Variants in TTC29 observed in about 807,000 individuals in gnomAD.
TTC29 encodes the protein tetratricopeptide repeat domain 29.
Under a neutral mutation model 58.1 loss-of-function variants are expected in TTC29, and 49 were observed. The observed-to-expected ratio is 0.84, with a 90% CI of 0.67 to 1.07. TTC29 has a LOEUF of 1.07. Among genes scored for constraint, TTC29 ranks in the 50% least tolerant of loss-of-function variants. TTC29 has a pLI of 0.00. For synonymous variants in TTC29, 209 were observed against 196.8 expected, an observed-to-expected ratio of 1.06 and a Z score of -0.52; for missense variants, 582 against 555.6, an observed-to-expected ratio of 1.05 and a Z score of -0.48.
intron 10 of TTC29, 62 bp downstream of exon 10, chr4:146,820,063 A>C: frequency 1.3e-6 from 2 of 1,595,704 alleles, no homozygotes; most frequent in Non-Finnish European, 1.7e-6. Context: ...ATACTTTTAA[A>C]ATGGGAAATT....
At chr4:146,745,154 C>T (rs1297178841) in intron 11 of TTC29, among the ~76,000 whole-genome samples, 1 of 152,144 alleles carries the variant, frequency 6.6e-6, no homozygotes, top group Non-Finnish European at 1.5e-5. Context: ...AAGACAGTGG[C>T]AGATTTGAGA....
chr4:146,735,533 T>C (rs998398708), intron 11 of TTC29, among the ~76,000 whole-genome samples: 1 of 152,210 alleles, frequency 6.6e-6, no homozygotes, highest in African/African-American at 2.4e-5. Flanking sequence ...GCCAGCCTGG[T>C]AGCTTGGATA....
At chr4:146,797,933 C>A (rs988726027) in intron 11 of TTC29, among the ~76,000 whole-genome samples, 3 of 149,522 alleles carry the variant, frequency 2.0e-5, no homozygotes, top group Non-Finnish European at 3.0e-5. Flanking sequence ...TGAAGTTGAC[C>A]CACAGTTCTC....
intron 2 of TTC29, among the ~76,000 whole-genome samples, chr4:146,944,783 GAAGA>G (rs1309401042): frequency 1.3e-5 from 2 of 150,382 alleles, no homozygotes; most frequent in Non-Finnish European, 2.9e-5. Context: ...GAAAACTACA[GAAGA>G]AATATCACTA....
At chr4:146,882,144 G>T in intron 6 of TTC29, among the ~76,000 whole-genome samples, 1 of 152,002 alleles carries the variant, frequency 6.6e-6, no homozygotes. Context: ...CAGAAAATTT[G>T]CCTAGATCTC....
chr4:146,803,200 G>A (rs12498986), intron 11 of TTC29, among the ~76,000 whole-genome samples: 9,488 of 150,992 alleles, frequency 0.063, 397 homozygotes, highest in Admixed American at 0.13. Flanking sequence ...AAGATAACTG[G>A]TGAAAAAAAA....
At chr4:146,942,503 G>A (rs1736499068) in intron 2 of TTC29, 3 of 767,312 alleles carry the variant, frequency 3.9e-6, no homozygotes, top group Non-Finnish European at 6.1e-6. Context: ...GCATCATACA[G>A]AGCATATGGT....
At chr4:146,745,752 T>A (rs917959601) in intron 11 of TTC29, among the ~76,000 whole-genome samples, 3 of 152,240 alleles carry the variant, frequency 2.0e-5, no homozygotes, top group African/African-American at 7.2e-5. Flanking sequence ...AATAGCATAG[T>A]CAATTGTCAA....
intron 11 of TTC29, among the ~76,000 whole-genome samples, chr4:146,766,291 A>G (rs569638158): frequency 6.6e-6 from 1 of 152,206 alleles, no homozygotes; most frequent in East Asian, 1.9e-4. Flanking sequence ...ACAGGAGATC[A>G]TTATGTGTAA....
At chr4:146,742,579 T>TCCTTCCTTCCCTCCCTTCCTTCCCTC (rs200263068) in intron 11 of TTC29, among the ~76,000 whole-genome samples, 1 of 133,198 alleles carries the variant, frequency 7.5e-6, no homozygotes, top group Non-Finnish European at 1.6e-5. Flanking sequence ...CTCACCCACT[T>TCCTTCCTTCCCTCCCTTCCTTCCCTC]CCTTCCTTCC....
intron 10 of TTC29, among the ~76,000 whole-genome samples, chr4:146,804,782 C>A (rs539992785): frequency 6.6e-6 from 1 of 151,522 alleles, no homozygotes; most frequent in Admixed American, 6.6e-5. Context: ...CACAGCACCT[C>A]GGGGAAGGGA....
intron 11 of TTC29, among the ~76,000 whole-genome samples, chr4:146,798,333 G>C (rs930722442): frequency 6.6e-6 from 1 of 152,074 alleles, no homozygotes; most frequent in Non-Finnish European, 1.5e-5. Flanking sequence ...GGATACAGGA[G>C]GATGAATTAA....
intron 11 of TTC29, among the ~76,000 whole-genome samples, chr4:146,800,199 G>C (rs924475047): frequency 4.6e-5 from 7 of 152,204 alleles, no homozygotes; most frequent in African/African-American, 1.7e-4. Flanking sequence ...TACATTTGCT[G>C]TGTTCCCTCT....
At chr4:146,887,789 C>G (rs1263919615) in intron 6 of TTC29, among the ~76,000 whole-genome samples, 1 of 152,098 alleles carries the variant, frequency 6.6e-6, no homozygotes, top group African/African-American at 2.4e-5. Context: ...TACAGCATCT[C>G]TTCTTGGACA....
intron 4 of TTC29, among the ~76,000 whole-genome samples, chr4:146,928,808 A>G (rs2150314889): frequency 6.6e-6 from 1 of 152,316 alleles, no homozygotes; most frequent in East Asian, 1.9e-4. Flanking sequence ...CCAGTCAAAT[A>G]TCTACAGAGC....
intron 2 of TTC29, among the ~76,000 whole-genome samples, chr4:146,940,500 C>A (rs1580046081): frequency 6.6e-6 from 1 of 152,310 alleles, no homozygotes; most frequent in African/African-American, 2.4e-5. Context: ...TTATCTCACA[C>A]TTTACATGGT....
At position 146,937,544 on chromosome 4, in the gene TTC29, G is replaced by C. The variant is rs373667698; in HGVS notation, c.176+50C>G. 26 of 1,193,908 alleles carry C rather than the reference G, an allele frequency of 2.2e-5. No homozygotes were observed. The African/African-American group carries it at 4.0e-4, about 18-fold the overall frequency. 74.0% of individuals were successfully genotyped at this position (1,193,908 alleles called of 1,614,324 possible). On this transcript the variant is annotated intron_variant, in intron 4 of 12. Coordinates refer to ENST00000325106, the MANE Select transcript of TTC29 (RefSeq NM_031956.4). The stretch of plus-strand genomic sequence containing the variant: ...AATTGAAATTTCAATAAAGAATCAA[G>C]ACAAAAGAAACAAACTTTATATTAA...
chr4:146,780,302 G>GGTGTGTGTGTGTGT (rs57951745), intron 11 of TTC29, among the ~76,000 whole-genome samples: 62 of 138,540 alleles, frequency 4.5e-4, no homozygotes, highest in East Asian at 1.8e-3. Context: ...CCTAACTTGG[G>GGTGTGTGTGTGTGT]GTGTGTGTGT....
At chr4:146,854,329 GC>G (rs1479722998) in intron 8 of TTC29, among the ~76,000 whole-genome samples, 3 of 152,094 alleles carry the variant, frequency 2.0e-5, no homozygotes, top group Non-Finnish European at 2.9e-5. Context: ...CTCAGAGAAT[GC>G]CTTGTAAGCT....
Sources: allele counts gnomAD v4.1 joint callset (sites outside exome capture counted in the v4.1 genomes callset), GRCh38; gene constraint gnomAD v4.1.1; transcripts MANE v1.5; gene names NCBI Gene and HGNC (gene_info 2026-07-23, HGNC 2026-07-21).